Variants in LRRTM3 observed in about 807,000 individuals in gnomAD.
The protein encoded by LRRTM3 is leucine rich repeat transmembrane neuronal 3.
LRRTM3 carries 24 observed loss-of-function variants against 44.7 expected under a neutral mutation model. The ratio of observed to expected loss-of-function variants is 0.54; its 90% CI spans 0.39 to 0.76. The LOEUF is 0.76. Ranked by LOEUF, LRRTM3 falls within the 30% of genes least tolerant of loss-of-function variation. The pLI is 0.00. For missense variants in LRRTM3, 587 were observed against 702.2 expected, an observed-to-expected ratio of 0.84 and a Z score of 1.85; for synonymous variants, 277 against 278.7, an observed-to-expected ratio of 0.99 and a Z score of 0.06.
chr10:67,049,415 G>C (rs1854950618), intron 2 of LRRTM3, among the ~76,000 whole-genome samples: 1 of 152,004 alleles, frequency 6.6e-6, no homozygotes, highest in African/African-American at 2.4e-5. Flanking sequence ...GAATTTCTAA[G>C]CCACATACAA....
chr10:67,001,659 G>C (rs1279839767), intron 2 of LRRTM3, among the ~76,000 whole-genome samples: 4 of 152,110 alleles, frequency 2.6e-5, no homozygotes, highest in Non-Finnish European at 4.4e-5. Flanking sequence ...GTTACCACAA[G>C]ACAACTTTAG....
intron 2 of LRRTM3, among the ~76,000 whole-genome samples, chr10:67,018,089 C>T (rs1852774916): frequency 6.6e-6 from 1 of 152,100 alleles, no homozygotes; most frequent in East Asian, 1.9e-4. Context: ...ATATATTAAA[C>T]ATATATTTTA....
At chr10:66,971,068 GA>G (rs950892382) in intron 2 of LRRTM3, among the ~76,000 whole-genome samples, 2 of 151,508 alleles carry the variant, frequency 1.3e-5, no homozygotes, top group African/African-American at 4.9e-5. Flanking sequence ...CATCTTAAAG[GA>G]AAAAAAATGA....
chr10:67,026,695 C>A (rs542139959), intron 2 of LRRTM3, among the ~76,000 whole-genome samples: 2 of 152,254 alleles, frequency 1.3e-5, no homozygotes, highest in South Asian at 4.2e-4. Context: ...TCAGTTTGAG[C>A]AACCAGTGAC....
At chr10:67,019,869 AT>A (rs746057648) in intron 2 of LRRTM3, among the ~76,000 whole-genome samples, 4 of 152,110 alleles carry the variant, frequency 2.6e-5, no homozygotes, top group Admixed American at 6.6e-5. Flanking sequence ...TTCTTGCCTA[AT>A]TTTCTCCATT....
Position 66,967,771 on chromosome 10 carries a change from G to A in LRRTM3, c.1536+39319G>A, listed in dbSNP as rs1384920826. 3.3e-5 allele frequency among the ~76,000 whole-genome samples: 5 copies of A among 152,130 alleles called. No homozygotes were observed. In the East Asian group the frequency reaches 9.6e-4, roughly 29 times the overall value. On this transcript the variant is annotated intron_variant, in intron 2 of 2. Coordinates refer to ENST00000361320, the MANE Select transcript of LRRTM3 (RefSeq NM_178011.5). ...GCCAGTGAGAAAAATAATCTGTTTA[G>A]TAGATTTAAATTATCATTATATTTC...
intron 2 of LRRTM3, among the ~76,000 whole-genome samples, chr10:66,978,095 C>T (rs1016778290): frequency 5.3e-5 from 8 of 150,626 alleles, no homozygotes; most frequent in South Asian, 2.1e-4. Context: ...CACACACATG[C>T]GATGACGTTC....
Position 66,927,919 on chromosome 10 carries a change from G to A in LRRTM3, c.1003G>A (p.Glu335Lys). The A allele has an allele frequency of 6.2e-7, 1 of 1,614,218 alleles. No individual in the cohort carries two copies. The highest frequency in any genetic ancestry group is 2.2e-5 in the East Asian group (1 of 44,884). The change falls in exon 2 of 3, where the codon GAG (glutamate) becomes AAG (lysine). Residue 335 changes from glutamate to lysine, a missense_variant. Glu to Lys is a moderately conservative substitution (Grantham distance 56). Transcript: ENST00000361320. This position sits in a 1 kb window ranked among gnomAD's most constrained non-coding sequence, Gnocchi z 4.7. The part of the protein sequence containing the change: ...NWLKSFKGLR[E>K]NTIICASPKE... ...GCTGAAAAGTTTTAAAGGTCTAAGG[G>A]AGAATACAATTATCTGTGCCAGTCC... is the stretch of plus-strand genomic sequence containing the variant.
At chr10:66,968,528 A>AG (rs1849555973) in intron 2 of LRRTM3, among the ~76,000 whole-genome samples, 1 of 151,926 alleles carries the variant, frequency 6.6e-6, no homozygotes. Context: ...ATCTAAAAAA[A>AG]CGTGGTTAGA....
At chr10:67,074,402 G>C (rs1033020492) in intron 2 of LRRTM3, among the ~76,000 whole-genome samples, 2 of 125,514 alleles carry the variant, frequency 1.6e-5, no homozygotes, top group Non-Finnish European at 3.2e-5. Flanking sequence ...CCAGGCTGAA[G>C]TGCAGTGGCA....
intron 2 of LRRTM3, among the ~76,000 whole-genome samples, chr10:67,065,389 G>A (rs1856013995): frequency 6.6e-6 from 1 of 151,818 alleles, no homozygotes; most frequent in Non-Finnish European, 1.5e-5. Context: ...AAGGTATAAG[G>A]GCATTGATTA....
intron 2 of LRRTM3, among the ~76,000 whole-genome samples, chr10:67,077,562 A>G (rs931341296): frequency 1.3e-5 from 2 of 151,886 alleles, no homozygotes; most frequent in Non-Finnish European, 2.9e-5. Flanking sequence ...CCCACTTTCT[A>G]CTTGATTCAT....
intron 2 of LRRTM3, among the ~76,000 whole-genome samples, chr10:66,978,680 A>T (rs964388046): frequency 1.3e-5 from 2 of 149,726 alleles, no homozygotes; most frequent in African/African-American, 4.9e-5. Context: ...ATAAATAGCA[A>T]ATAAAAATTA....
At chr10:66,929,310 G>A (rs747095970) in intron 2 of LRRTM3, among the ~76,000 whole-genome samples, 4 of 152,182 alleles carry the variant, frequency 2.6e-5, no homozygotes, top group Non-Finnish European at 5.9e-5. Flanking sequence ...TTTCAGATAA[G>A]GTTCGCGAAT....
chr10:66,965,409 C>A (rs1377769280), intron 2 of LRRTM3, among the ~76,000 whole-genome samples: 1 of 151,794 alleles, frequency 6.6e-6, no homozygotes, highest in Non-Finnish European at 1.5e-5. Flanking sequence ...GTGGCAGGTG[C>A]CTATAGTCCC....
At chr10:66,967,258 C>CT (rs940153898) in intron 2 of LRRTM3, among the ~76,000 whole-genome samples, 3 of 151,498 alleles carry the variant, frequency 2.0e-5, no homozygotes, top group Non-Finnish European at 4.4e-5. Context: ...AAAACATTGT[C>CT]TTATATAAGC....
intron 2 of LRRTM3, among the ~76,000 whole-genome samples, chr10:67,080,702 G>A (rs1857002814): frequency 6.6e-6 from 1 of 152,070 alleles, no homozygotes; most frequent in African/African-American, 2.4e-5. Context: ...GAGGTCAGGA[G>A]ATCGAGACCA....
chr10:67,057,174 T>C (rs979858748), intron 2 of LRRTM3, among the ~76,000 whole-genome samples: 2 of 152,146 alleles, frequency 1.3e-5, no homozygotes, highest in Non-Finnish European at 2.9e-5. Flanking sequence ...ATAGAAAGAG[T>C]TTATATTCAA....
intron 2 of LRRTM3, among the ~76,000 whole-genome samples, chr10:66,977,962 A>C (rs943064918): frequency 2.0e-5 from 3 of 152,148 alleles, no homozygotes; most frequent in Non-Finnish European, 4.4e-5. Flanking sequence ...ACACTTAGTC[A>C]AACTTTTATT....
Sources: gnomAD v4.1 joint callset for allele counts (sites outside exome capture counted in the v4.1 genomes callset) on GRCh38, gnomAD v4.1.1 for gene constraint, Gnocchi (gnomAD v3.1) non-coding constraint, MANE v1.5 for transcripts, NCBI Gene and HGNC (gene_info 2026-07-23, HGNC 2026-07-21) for gene names.